Variants in GOLGA5 observed in about 807,000 individuals in gnomAD.
The protein encoded by GOLGA5 is golgin A5.
Under a neutral mutation model 93.5 loss-of-function variants are expected in GOLGA5, and 50 were observed. The observed-to-expected ratio is 0.53, with a 90% CI of 0.43 to 0.68. The LOEUF (loss-of-function observed/expected upper bound fraction) is 0.68. GOLGA5 is among the 30% of genes least tolerant of loss of function. GOLGA5 has a pLI of 0.00. For synonymous variants in GOLGA5, 312 were observed against 304.5 expected, an observed-to-expected ratio of 1.02 and a Z score of -0.26; for missense variants, 760 against 856.4, an observed-to-expected ratio of 0.89 and a Z score of 1.40.
At chr14:92,815,966 A>G (rs972190110) in intron 6 of GOLGA5, among the ~76,000 whole-genome samples, 3 of 151,942 alleles carry the variant, frequency 2.0e-5, no homozygotes, top group Non-Finnish European at 4.4e-5. Flanking sequence ...CAGCCTCCCA[A>G]AGTGCTGGGA....
In GOLGA5 at chr14:92,809,543, A is replaced by G. The variant is rs893588276; in HGVS notation, c.992+24A>G. 8.4e-6 allele frequency: 12 copies of G among 1,429,156 alleles called. No individual in the cohort carries two copies. In the African/African-American group the frequency reaches 1.5e-4, roughly 18 times the overall value. 88.5% of individuals were successfully genotyped at this position (1,429,156 alleles called of 1,614,324 possible). ...CGGTAGGTGATTCTATGAATAATGA[A>G]AAAAATGAGCAAGTAATGGTAAACA... On this transcript the variant is annotated intron_variant, in intron 4 of 12. Coordinates refer to ENST00000163416, the MANE Select transcript of GOLGA5 (RefSeq NM_005113.4).
At chr14:92,822,075 A>G (rs78032993) in intron 8 of GOLGA5, among the ~76,000 whole-genome samples, 3,720 of 152,344 alleles carry the variant, frequency 0.024, 79 homozygotes, top group Non-Finnish European at 0.035. Flanking sequence ...GCAATTGAAG[A>G]GTCCTTTAGT....
intron 9 of GOLGA5, among the ~76,000 whole-genome samples, chr14:92,831,009 C>A (rs1306108858): frequency 6.6e-6 from 1 of 152,106 alleles, no homozygotes; most frequent in Non-Finnish European, 1.5e-5. Flanking sequence ...CTGAGGTGTG[C>A]CTGTATATGA....
intron 1 of GOLGA5, among the ~76,000 whole-genome samples, chr14:92,796,697 G>A (rs946709642): frequency 6.0e-5 from 9 of 151,176 alleles, no homozygotes; most frequent in Non-Finnish European, 8.8e-5. Context: ...CCGGCCGGGC[G>A]CGGTGGCTCA....
chr14:92,808,189 G>A (rs1476495227), intron 3 of GOLGA5, among the ~76,000 whole-genome samples: 1 of 152,176 alleles, frequency 6.6e-6, no homozygotes, highest in East Asian at 1.9e-4. Flanking sequence ...GGAGGTTGCA[G>A]TGAGCCGAGA....
At chr14:92,823,533 A>C (rs900638763) in intron 8 of GOLGA5, among the ~76,000 whole-genome samples, 15 of 149,274 alleles carry the variant, frequency 1.0e-4, no homozygotes, top group African/African-American at 3.5e-4. Flanking sequence ...TCCCACGTCA[A>C]CCTCCTGAGT....
intron 3 of GOLGA5, 73 bp from the exon 4 acceptor site, chr14:92,809,227 G>C (rs1885054089): frequency 1.0e-6 from 1 of 989,966 alleles, no homozygotes; most frequent in Non-Finnish European, 1.6e-6. Flanking sequence ...GGCACTCAAA[G>C]TAGAAACTGT....
chr14:92,797,824 T>G lies in GOLGA5; in HGVS notation c.387T>G (p.Ser129Arg). The G allele has an allele frequency of 1.2e-6, 2 of 1,614,066 alleles. No homozygotes were observed. The highest frequency in any genetic ancestry group is 1.7e-6 in the Non-Finnish European group (2 of 1,179,982). ...AGCTGCTGTTTGATTTTCTTAATAG[T>G]TCACAGAAGGAGCCTACCGGGAGGG... ...DDELLFDFLN[S>R]SQKEPTGRVE... The change falls in exon 2 of 13, where the codon AGT (serine) becomes AGG (arginine). Residue 129 changes from serine to arginine, a missense_variant. By Grantham distance (110) the Ser-to-Arg change is moderately radical. Transcript: ENST00000163416.
At chr14:92,827,255 T>C (rs955981786) in intron 9 of GOLGA5, among the ~76,000 whole-genome samples, 2 of 152,112 alleles carry the variant, frequency 1.3e-5, no homozygotes, top group African/African-American at 4.8e-5. Context: ...ATGGCAACCC[T>C]GCATCAAGCA....
intron 6 of GOLGA5, among the ~76,000 whole-genome samples, chr14:92,812,703 C>G (rs1421000581): frequency 6.6e-6 from 1 of 152,164 alleles, no homozygotes; most frequent in African/African-American, 2.4e-5. Context: ...TTAACCCTCC[C>G]ACTTCCTTGG....
chr14:92,835,684 A>G lies in GOLGA5; in HGVS notation c.2051+20A>G, dbSNP rs763772597. The G allele has an allele frequency of 7.1e-7, 1 of 1,408,178 alleles. No individual in the cohort carries two copies. Among genetic ancestry groups the G allele is most frequent in the African/African-American group, 1.4e-5 (1 of 71,236 alleles). 87.2% of individuals were successfully genotyped at this position (1,408,178 alleles called of 1,614,324 possible). On this transcript the variant is annotated intron_variant, in intron 11 of 12. Transcript: ENST00000163416. ...GTTTAGGTAAGCAATGCCAGTAGGG[A>G]TGAGTGATGGACCATCAGCTGTTTT...
intron 6 of GOLGA5, among the ~76,000 whole-genome samples, chr14:92,813,539 A>G (rs1378895544): frequency 6.6e-6 from 1 of 152,200 alleles, no homozygotes; most frequent in African/African-American, 2.4e-5. Flanking sequence ...GCCAGAGAGA[A>G]CATGGCATAT....
intron 6 of GOLGA5, among the ~76,000 whole-genome samples, chr14:92,815,699 CTTTTTTTTTTTTT>C (rs571410551): frequency 6.6e-5 from 6 of 91,264 alleles, no homozygotes; most frequent in Admixed American, 1.3e-4. Context: ...TTTTTTTAAT[CTTTTTTTTTTTTT>C]TTTTTTTTTT....
At chr14:92,823,825 AATTAGAG>A (rs1022849832) in intron 8 of GOLGA5, among the ~76,000 whole-genome samples, 20 of 151,870 alleles carry the variant, frequency 1.3e-4, no homozygotes, top group African/African-American at 4.6e-4. Flanking sequence ...CTTATGAATT[AATTAGAG>A]GAGAACTGAC....
At chr14:92,831,049 C>T (rs1303917489) in intron 9 of GOLGA5, among the ~76,000 whole-genome samples, 2 of 152,136 alleles carry the variant, frequency 1.3e-5, no homozygotes, top group Non-Finnish European at 2.9e-5. Flanking sequence ...AATAGGTGCT[C>T]AGAGTCATCA....
chr14:92,826,242 A>G (rs201757916), intron 9 of GOLGA5, among the ~76,000 whole-genome samples: 1 of 152,060 alleles, frequency 6.6e-6, no homozygotes, highest in East Asian at 1.9e-4. Context: ...CCGTAGAATT[A>G]AGTTGACTTG....
chr14:92,819,464 T>TAAA (rs57978535), intron 7 of GOLGA5, among the ~76,000 whole-genome samples: 5 of 134,654 alleles, frequency 3.7e-5, no homozygotes, highest in Non-Finnish European at 6.5e-5. Context: ...TCCCATCTCT[T>TAAA]AAAAAAAAAA....
At chr14:92,822,792 G>A (rs1885342423) in intron 8 of GOLGA5, among the ~76,000 whole-genome samples, 1 of 152,118 alleles carries the variant, frequency 6.6e-6, no homozygotes, top group Non-Finnish European at 1.5e-5. Context: ...GAGTAGCTGG[G>A]ATTACAGACG....
chr14:92,835,362 T>C (rs1250733076), intron 10 of GOLGA5, among the ~76,000 whole-genome samples, 197 bp from the exon 11 acceptor site: 1 of 152,232 alleles, frequency 6.6e-6, no homozygotes, highest in African/African-American at 2.4e-5. Context: ...ACTTTTTTCT[T>C]GTTGTGGATA....
Sources: gnomAD v4.1 joint callset for allele counts (sites outside exome capture counted in the v4.1 genomes callset) on GRCh38, gnomAD v4.1.1 for gene constraint, MANE v1.5 for transcripts, NCBI Gene and HGNC (gene_info 2026-07-23, HGNC 2026-07-21) for gene names.